Variants in SIPA1L3 observed in about 807,000 individuals in gnomAD.
The protein encoded by SIPA1L3 is signal induced proliferation associated 1 like 3, also known as signal-induced proliferation-associated 1-like protein 3.
SIPA1L3 carries 59 observed loss-of-function variants against 150.1 expected under a neutral mutation model. That is an observed-to-expected ratio of 0.39 (90% CI 0.32 to 0.49). SIPA1L3 has a LOEUF of 0.49. SIPA1L3 is among the 20% of genes least tolerant of loss of function. The pLI, the probability that SIPA1L3 is intolerant of heterozygous loss-of-function variation, is 0.86. For synonymous variants in SIPA1L3, 1,070 were observed against 1,077.6 expected, an observed-to-expected ratio of 0.99 and a Z score of 0.14; for missense variants, 2,211 against 2,489.5, an observed-to-expected ratio of 0.89 and a Z score of 2.38.
chr19:38,165,653 G>A (rs1037863846), intron 15 of SIPA1L3, among the ~76,000 whole-genome samples: 1 of 152,222 alleles, frequency 6.6e-6, no homozygotes, highest in South Asian at 2.1e-4. Flanking sequence ...CGTATACGGC[G>A]ATGGTCCCCA....
chr19:37,937,763 A>AAAAAAAAG (rs1212770975), intron 1 of SIPA1L3, among the ~76,000 whole-genome samples: 1 of 142,224 alleles, frequency 7.0e-6, no homozygotes, highest in Non-Finnish European at 1.5e-5. Context: ...AAAAAAAAAA[A>AAAAAAAAG]AGACCAGGCA....
chr19:38,006,964 G>A (rs907711801), intron 1 of SIPA1L3, among the ~76,000 whole-genome samples: 9 of 152,334 alleles, frequency 5.9e-5, no homozygotes, highest in Non-Finnish European at 1.3e-4. Flanking sequence ...AATACCATGC[G>A]GCCGGGAAGG....
At chr19:38,157,956 C>G (rs983969907) in intron 13 of SIPA1L3, among the ~76,000 whole-genome samples, 2 of 152,154 alleles carry the variant, frequency 1.3e-5, no homozygotes, top group African/African-American at 4.8e-5. Flanking sequence ...GAAGTGGAAA[C>G]TAGGCTGGGC....
chr19:38,071,701 A>C (rs186541842), intron 2 of SIPA1L3, among the ~76,000 whole-genome samples: 8 of 152,292 alleles, frequency 5.3e-5, no homozygotes, highest in Non-Finnish European at 1.2e-4. Flanking sequence ...GGTCCCAGGT[A>C]AGGGCTGCTT....
At chr19:38,163,968 G>A (rs1265566292) in intron 14 of SIPA1L3, among the ~76,000 whole-genome samples, 1 of 152,218 alleles carries the variant, frequency 6.6e-6, no homozygotes, top group Non-Finnish European at 1.5e-5. Flanking sequence ...CTGGCCCCAG[G>A]GGGAGGACAG....
chr19:38,187,007 C>CA (rs1046528016), intron 16 of SIPA1L3, among the ~76,000 whole-genome samples: 14,820 of 80,084 alleles, frequency 0.19, 1,254 homozygotes, highest in Non-Finnish European at 0.25. Context: ...AACTCTGTCT[C>CA]AAAAAAAAAA....
intron 1 of SIPA1L3, among the ~76,000 whole-genome samples, chr19:37,925,372 C>G (rs1422587519): frequency 6.6e-6 from 1 of 151,856 alleles, no homozygotes; most frequent in African/African-American, 2.4e-5. Flanking sequence ...AGTGGCCAGA[C>G]CTGAAGGAGG....
In SIPA1L3 at chr19:38,082,868, G is replaced by A. The variant is rs1318713154; in HGVS notation, c.1303G>A (p.Gly435Arg). 7.4e-6 allele frequency: 12 copies of A among 1,613,448 alleles called. No individual in the cohort carries two copies. The highest frequency in any genetic ancestry group is 3.3e-5 in the Admixed American group (2 of 60,006). Reference protein sequence around the residue: ...LSCPHFRNEIGGECERNVSFS... With the variant: ...LSCPHFRNEIRGECERNVSFS... The stretch of plus-strand genomic sequence containing the variant: ...CTGCCCGCACTTCCGCAATGAGATC[G>A]GGGGCGAGTGTGAGCGCAACGTGAG... The change falls in exon 3 of 22, where the codon GGG (glycine) becomes AGG (arginine). Residue 435 changes from glycine (G) to arginine (R), a missense_variant. By Grantham distance (125) the Gly-to-Arg change is moderately radical. Transcript: ENST00000222345.
chr19:38,141,131 C>A (rs545199152), intron 10 of SIPA1L3, 53 bp from the exon 11 acceptor site: 19 of 1,517,478 alleles, frequency 1.3e-5, no homozygotes, highest in Non-Finnish European at 1.7e-5. Context: ...AGACAGCAGG[C>A]CCACGTGTTG....
At chr19:38,156,829 T>TA (rs1971960333) in intron 13 of SIPA1L3, among the ~76,000 whole-genome samples, 1 of 151,244 alleles carries the variant, frequency 6.6e-6, no homozygotes, top group African/African-American at 2.4e-5. Context: ...ATCTAAAAAA[T>TA]AAAAAAAGAA....
chr19:37,962,463 C>CTTTT lies in SIPA1L3; in HGVS notation c.-379+55125_-379+55128dup, dbSNP rs71177491. ...TTGGCCATGAGCCACTGCAGCCGGCCTTTTTTTTTTTTTTTTTTTTTTTGA... is the reference window on the plus strand; with the variant it reads ...TTGGCCATGAGCCACTGCAGCCGGCCTTTTTTTTTTTTTTTTTTTTTTTTTTTGA... On this transcript the variant is annotated intron_variant, in intron 1 of 21. Coordinates refer to ENST00000222345, the MANE Select transcript of SIPA1L3 (RefSeq NM_015073.3). Among the ~76,000 whole-genome samples, 9 of 73,088 alleles carry CTTTT rather than the reference C, an allele frequency of 1.2e-4. 1 individual carries two copies. The highest frequency in any genetic ancestry group is 1.2e-3 in the East Asian group (2 of 1,606). 47.9% of individuals were successfully genotyped at this position (73,088 alleles called of 152,430 possible).
chr19:38,083,987 T>C (rs1232664301), intron 3 of SIPA1L3, among the ~76,000 whole-genome samples: 12 of 139,484 alleles, frequency 8.6e-5, no homozygotes, highest in Admixed American at 3.6e-4. Context: ...AGTGAGACTC[T>C]GTCTCAAAAA....
chr19:38,045,928 G>A lies in SIPA1L3; in HGVS notation c.-311+16772G>A, dbSNP rs538633411. On this transcript the variant is annotated intron_variant, in intron 2 of 21. Transcript: ENST00000222345. ...CCCACAGCCCCTGGGAGCCACAGAA[G>A]GGTTTTCAGGGGAGAAGTGATACAA... is the stretch of plus-strand genomic sequence containing the variant. Among the ~76,000 whole-genome samples, 30 of 152,238 alleles carry A rather than the reference G, an allele frequency of 2.0e-4. No homozygotes were observed. In the East Asian group the frequency reaches 4.1e-3, roughly 21 times the overall value.
chr19:38,161,020 G>C (rs1322938487), intron 13 of SIPA1L3, among the ~76,000 whole-genome samples: 6 of 152,300 alleles, frequency 3.9e-5, no homozygotes, highest in African/African-American at 1.4e-4. Flanking sequence ...TTGTAGGACA[G>C]TGTTTATTAT....
intron 1 of SIPA1L3, among the ~76,000 whole-genome samples, chr19:37,966,550 G>A (rs1296617658): frequency 3.3e-5 from 5 of 152,164 alleles, no homozygotes; most frequent in Admixed American, 6.6e-5. Flanking sequence ...CCTCTGCACC[G>A]TCCATCTGGG....
At chr19:38,139,893 AAG>A (rs1457895573) in intron 10 of SIPA1L3, among the ~76,000 whole-genome samples, 2 of 152,120 alleles carry the variant, frequency 1.3e-5, no homozygotes, top group African/African-American at 2.4e-5. Context: ...AGAAGAGAAG[AAG>A]AGAGAGAGTC....
intron 1 of SIPA1L3, among the ~76,000 whole-genome samples, chr19:38,010,614 G>C (rs1357851693): frequency 6.6e-6 from 1 of 152,160 alleles, no homozygotes; most frequent in Non-Finnish European, 1.5e-5. Context: ...GGGAGGCTGA[G>C]GCAGGAGAAT....
At chr19:38,114,889 T>C (rs1970848109) in intron 8 of SIPA1L3, among the ~76,000 whole-genome samples, 1 of 152,246 alleles carries the variant, frequency 6.6e-6, no homozygotes. Flanking sequence ...GTCTCCTGCA[T>C]GTGCCCTGTC....
intron 1 of SIPA1L3, among the ~76,000 whole-genome samples, chr19:37,930,377 C>T (rs764881007): frequency 9.4e-5 from 14 of 149,328 alleles, no homozygotes; most frequent in South Asian, 2.1e-4. Flanking sequence ...AGGCTGGTCT[C>T]GAACTCCTGG....
Sources: gnomAD v4.1 joint callset for allele counts (sites outside exome capture counted in the v4.1 genomes callset) on GRCh38, gnomAD v4.1.1 for gene constraint, MANE v1.5 for transcripts, NCBI Gene and HGNC (gene_info 2026-07-23, HGNC 2026-07-21) for gene names.